The following CPEB4 variants were observed in gnomAD, a reference collection of about 807,000 sequenced individuals.
The protein encoded by CPEB4 is cytoplasmic polyadenylation element-binding protein 4.
In CPEB4, 12 loss-of-function variants were observed where a neutral mutation model predicts 72.5. The observed-to-expected ratio is 0.17, with a 90% CI of 0.11 to 0.27. The LOEUF (loss-of-function observed/expected upper bound fraction) is 0.27, where lower values mean the gene tolerates loss of function less well. Among genes scored for constraint, CPEB4 ranks in the 10% least tolerant of loss-of-function variants. The pLI, the probability that CPEB4 is intolerant of heterozygous loss-of-function variation, is 1.00. For synonymous variants in CPEB4, 302 were observed against 326.3 expected, an observed-to-expected ratio of 0.93 and a Z score of 0.80; for missense variants, 614 against 908.5, an observed-to-expected ratio of 0.68 and a Z score of 4.17.
intron 1 of CPEB4, among the ~76,000 whole-genome samples, chr5:173,910,014 T>G (rs1033165066): frequency 6.6e-6 from 1 of 151,658 alleles, no homozygotes; most frequent in Non-Finnish European, 1.5e-5. Flanking sequence ...AAAAAAAGAT[T>G]TCTCTCATTT....
intron 1 of CPEB4, among the ~76,000 whole-genome samples, chr5:173,902,598 C>G (rs913586257): frequency 6.6e-6 from 1 of 152,030 alleles, no homozygotes; most frequent in Non-Finnish European, 1.5e-5. Context: ...ACCCCAGCAT[C>G]CAAGACAAAA....
chr5:173,897,198 A>G (rs1234467890), intron 1 of CPEB4, among the ~76,000 whole-genome samples: 1 of 152,234 alleles, frequency 6.6e-6, no homozygotes, highest in African/African-American at 2.4e-5. Flanking sequence ...CTAATTAAAT[A>G]TAAGCTTAAA....
Position 173,950,545 on chromosome 5 carries a change from C to T in CPEB4, c.1665+467C>T, listed in dbSNP as rs1316444267. Among the ~76,000 whole-genome samples the T allele has an allele frequency of 2.0e-5, 3 of 151,966 alleles. No homozygotes were observed. The highest frequency in any genetic ancestry group is 2.9e-5 in the Non-Finnish European group (2 of 68,004). On this transcript the variant is annotated intron_variant, in intron 7 of 9. Transcript: ENST00000265085. This position sits in a 1 kb window ranked among gnomAD's most constrained non-coding sequence, Gnocchi z 5.0. Reference sequence around the variant, plus strand: ...ACCTGAACCCAGGAGGCGGAGGTTGCAGTGAGCAGAGATTGCACCATTGCA... The same window carrying T: ...ACCTGAACCCAGGAGGCGGAGGTTGTAGTGAGCAGAGATTGCACCATTGCA...
At position 173,890,056 on chromosome 5, in the gene CPEB4, C is replaced by T; in HGVS notation, c.323C>T (p.Pro108Leu). Residue 108 changes from proline to leucine, a missense_variant, in exon 1 of 10, where the codon CCT (proline) becomes CTT (leucine). Pro to Leu is a moderately conservative substitution (Grantham distance 98). Coordinates refer to ENST00000265085, the MANE Select transcript of CPEB4 (RefSeq NM_030627.4). ...PSPGQEAGIL[P>L]ETEKAKSEEN... ...CCAGGTCAGGAAGCTGGAATACTGCCTGAAACAGAGAAGGCAAAATCAGAA... is the reference window on the plus strand; with the variant it reads ...CCAGGTCAGGAAGCTGGAATACTGCTTGAAACAGAGAAGGCAAAATCAGAA... 1 of 1,614,072 alleles carries T rather than the reference C, an allele frequency of 6.2e-7. No individual in the cohort carries two copies.
At chr5:173,921,418 T>C (rs899973023) in intron 2 of CPEB4, among the ~76,000 whole-genome samples, 3 of 152,156 alleles carry the variant, frequency 2.0e-5, no homozygotes, top group African/African-American at 7.2e-5. Context: ...AAAAAAGGAA[T>C]TTAACAGAGG....
At chr5:173,928,264 G>A (rs1757318532) in intron 2 of CPEB4, among the ~76,000 whole-genome samples, 1 of 152,194 alleles carries the variant, frequency 6.6e-6, no homozygotes, top group African/African-American at 2.4e-5. Flanking sequence ...AATACCAAGA[G>A]TGAACCCTAA....
At chr5:173,936,711 T>A (rs1757633003) in intron 3 of CPEB4, among the ~76,000 whole-genome samples, 1 of 152,256 alleles carries the variant, frequency 6.6e-6, no homozygotes, top group Non-Finnish European at 1.5e-5. Context: ...AGCTCTGAGA[T>A]AGACATTGGA....
intron 5 of CPEB4, 63 bp downstream of exon 5, chr5:173,945,203 A>T (rs1757978604): frequency 7.1e-7 from 1 of 1,398,838 alleles, no homozygotes; most frequent in South Asian, 1.3e-5. Flanking sequence ...AAACTCACAG[A>T]TAGTGTTACA....
At chr5:173,921,407 TAAAA>T (rs1038792108) in intron 2 of CPEB4, among the ~76,000 whole-genome samples, 4 of 152,134 alleles carry the variant, frequency 2.6e-5, no homozygotes, top group Admixed American at 2.0e-4. Context: ...GAACATAACA[TAAAA>T]AAGGAATTTA....
intron 1 of CPEB4, among the ~76,000 whole-genome samples, chr5:173,895,211 G>T (rs1318303217): frequency 6.6e-6 from 1 of 152,098 alleles, no homozygotes; most frequent in African/African-American, 2.4e-5. Flanking sequence ...ACATATCTTA[G>T]AATTCTGACA....
intron 1 of CPEB4, among the ~76,000 whole-genome samples, chr5:173,907,267 A>AAACAAC (rs758240830): frequency 2.7e-4 from 41 of 151,910 alleles, no homozygotes; most frequent in South Asian, 8.3e-4. Context: ...CTCCGTCTCA[A>AAACAAC]AACAACAACA....
intron 2 of CPEB4, among the ~76,000 whole-genome samples, chr5:173,930,056 G>GTT (rs748066839): frequency 7.8e-5 from 11 of 141,696 alleles, no homozygotes; most frequent in Non-Finnish European, 1.1e-4. Flanking sequence ...CACCTCCCAA[G>GTT]TTTTTTTTTT....
chr5:173,902,681 T>G (rs1756280042), intron 1 of CPEB4, among the ~76,000 whole-genome samples: 1 of 152,156 alleles, frequency 6.6e-6, no homozygotes, highest in African/African-American at 2.4e-5. Context: ...GAGTGAAATA[T>G]TTTTGAGAGA....
chr5:173,959,128 A>G lies in CPEB4; in HGVS notation c.*2991A>G, dbSNP rs887178487. The G allele has an allele frequency of 6.7e-6, 1 of 149,798 alleles. No homozygotes were observed. The allele number at this position is 149,798 out of a possible 1,614,324, so 9.3% of individuals were successfully genotyped here. A position where few individuals can be genotyped will look rare whatever the true frequency, so the allele number is the denominator to read the frequency against. ...ACCATGTAACTCAAACATAATTAACATGTAATTAGTTTACAGATTGTAGGG... is the reference window on the plus strand; with the variant it reads ...ACCATGTAACTCAAACATAATTAACGTGTAATTAGTTTACAGATTGTAGGG... On this transcript the variant is annotated 3_prime_UTR_variant, in exon 10 of 10. Coordinates refer to ENST00000265085, the MANE Select transcript of CPEB4 (RefSeq NM_030627.4).
At chr5:173,952,793 C>A (rs1399754892) in intron 8 of CPEB4, among the ~76,000 whole-genome samples, 1 of 152,126 alleles carries the variant, frequency 6.6e-6, no homozygotes, top group African/African-American at 2.4e-5. Flanking sequence ...TGACCTGTGA[C>A]CTTGGACAGA....
chr5:173,903,243 T>C (rs1756304974), intron 1 of CPEB4, among the ~76,000 whole-genome samples: 1 of 152,238 alleles, frequency 6.6e-6, no homozygotes, highest in African/African-American at 2.4e-5. Flanking sequence ...TATTTTAATC[T>C]TTCCAAAGGT....
At chr5:173,942,262 G>T (rs764156061) in intron 3 of CPEB4, among the ~76,000 whole-genome samples, 1 of 152,228 alleles carries the variant, frequency 6.6e-6, no homozygotes, top group African/African-American at 2.4e-5. Flanking sequence ...AGAAATGTTC[G>T]TTGGATAGAA....
intron 7 of CPEB4, among the ~76,000 whole-genome samples, chr5:173,951,313 T>A (rs1758208725): frequency 6.6e-6 from 1 of 151,490 alleles, no homozygotes; most frequent in Non-Finnish European, 1.5e-5. Flanking sequence ...GTATTTGTCA[T>A]AAAAAAAAAT....
chr5:173,949,828 T>C (rs1758154316), intron 6 of CPEB4, 132 bp from the exon 7 acceptor site: 2 of 757,524 alleles, frequency 2.6e-6, no homozygotes, highest in Non-Finnish European at 4.5e-6. Context: ...CATCAGACTT[T>C]TGGTATAAAT....
Sources: allele counts gnomAD v4.1 joint callset (sites outside exome capture counted in the v4.1 genomes callset), GRCh38; gene constraint gnomAD v4.1.1; non-coding constraint Gnocchi (gnomAD v3.1); transcripts MANE v1.5; gene names NCBI Gene and HGNC (gene_info 2026-07-23, HGNC 2026-07-21).